Variants in ZNF410 observed in about 807,000 individuals in gnomAD.
ZNF410 encodes zinc finger protein 410, also known as another partner for ARF 1.
Under a neutral mutation model 54.8 loss-of-function variants are expected in ZNF410, and 18 were observed. That is an observed-to-expected ratio of 0.33 (90% CI 0.23 to 0.49). The LOEUF is 0.49. ZNF410 is among the 20% of genes least tolerant of loss of function. The probability of loss-of-function intolerance (pLI) is 0.99; values close to 1 mark genes in which losing one functional copy is unlikely to be tolerated. For missense variants in ZNF410, 405 were observed against 569.6 expected (o/e 0.71, Z 2.94); for synonymous variants, 191 against 207.3 (o/e 0.92, Z 0.68).
At position 73,896,088 on chromosome 14, in the gene ZNF410, A is replaced by G. The variant is rs1214775991; in HGVS notation, c.170-228A>G. On this transcript the variant is annotated intron_variant, in intron 3 of 11. Transcript: ENST00000555044. The stretch of plus-strand genomic sequence containing the variant: ...AATGGTTGGTTATTCACCAACCATT[A>G]CTGCCAAGTGACAGAGAATTCTGTT... The G allele has an allele frequency of 5.7e-6, 3 of 529,972 alleles. No individual in the cohort carries two copies. In the African/African-American group the frequency reaches 5.7e-5, roughly 10 times the overall value. 32.8% of individuals were successfully genotyped at this position (529,972 alleles called of 1,614,324 possible). A position where few individuals can be genotyped will look rare whatever the true frequency, so the allele number is the denominator to read the frequency against.
At chr14:73,927,398 C>T (rs2055849734) in intron 11 of ZNF410, among the ~76,000 whole-genome samples, 1 of 152,158 alleles carries the variant, frequency 6.6e-6, no homozygotes, top group African/African-American at 2.4e-5. Context: ...TTCTTTTATA[C>T]AAGAAATACT....
chr14:73,922,866 T>C (rs140575949), intron 10 of ZNF410: 1 of 152,444 alleles, frequency 6.6e-6, no homozygotes, highest in East Asian at 1.9e-4. Context: ...CATTAAATTA[T>C]ATGGTACAGC....
chr14:73,922,892 A>C (rs1165708603), intron 10 of ZNF410: 3 of 152,370 alleles, frequency 2.0e-5, no homozygotes, highest in Non-Finnish European at 2.9e-5. Flanking sequence ...ATAGTTGTAT[A>C]ATCTAGAAAA....
chr14:73,907,252 A>G (rs1482352880), intron 7 of ZNF410, among the ~76,000 whole-genome samples: 1 of 152,196 alleles, frequency 6.6e-6, no homozygotes, highest in Non-Finnish European at 1.5e-5. Context: ...AACTCAGTTT[A>G]TCTCAAATGT....
At chr14:73,905,944 T>TATACAC (rs1390428675) in intron 7 of ZNF410, among the ~76,000 whole-genome samples, 4 of 76,472 alleles carry the variant, frequency 5.2e-5, no homozygotes, top group Non-Finnish European at 7.4e-5. Context: ...TACATATATA[T>TATACAC]ACACACACAC....
intron 2 of ZNF410, 148 bp downstream of exon 2, chr14:73,892,356 A>G (rs936714318): frequency 7.7e-6 from 5 of 647,248 alleles, no homozygotes; most frequent in Non-Finnish European, 1.2e-5. Context: ...GATTGTTACT[A>G]TTTTTTCAAA....
At chr14:73,904,680 A>G (rs1033201710) in intron 6 of ZNF410, among the ~76,000 whole-genome samples, 3 of 152,146 alleles carry the variant, frequency 2.0e-5, no homozygotes, top group African/African-American at 7.2e-5. Flanking sequence ...GCTGATCTCA[A>G]ACTCCTGGGC....
chr14:73,901,770 A>G (rs557108849), intron 5 of ZNF410, among the ~76,000 whole-genome samples: 3 of 151,410 alleles, frequency 2.0e-5, no homozygotes, highest in East Asian at 2.0e-4. Flanking sequence ...ACAAAAAAAA[A>G]ATAGAAAAAA....
At chr14:73,920,760 G>A in intron 8 of ZNF410, 1 of 526,690 alleles carries the variant, frequency 1.9e-6, no homozygotes, top group Non-Finnish European at 3.4e-6. Flanking sequence ...GTCTGGAAAG[G>A]ACCAGCAGCT....
At position 73,923,482 on chromosome 14, in the gene ZNF410, CAT is replaced by C. The variant is rs1276252068; in HGVS notation, c.1361_1362del (p.Tyr454Ter). ...GTGACCATGCAGTCAGGGAGGCAAT[CAT>C]ATGAAGTTTCTGTCTTAACTGCAGT... is the stretch of plus-strand genomic sequence containing the variant. On this transcript the variant is annotated frameshift_variant, in exon 11 of 12. Coordinates refer to ENST00000555044, the MANE Select transcript of ZNF410 (RefSeq NM_021188.3). LOFTEE classifies it high-confidence loss of function. 2 of 1,613,880 alleles carry C rather than the reference CAT, an allele frequency of 1.2e-6. No individual in the cohort carries two copies. Among genetic ancestry groups the C allele is most frequent in the Non-Finnish European group, 1.7e-6 (2 of 1,179,900 alleles).
Position 73,896,341 on chromosome 14 carries a change from C to T in ZNF410, c.195C>T (p.Ser65=). 2 of 1,614,114 alleles carry T rather than the reference C, an allele frequency of 1.2e-6. No homozygotes were observed. Among genetic ancestry groups the T allele is most frequent in the East Asian group, 4.5e-5 (2 of 44,870 alleles). ...LPDDTTNHSN[S]SKEVPSSAVL... ...ATGATACTACAAATCATTCTAACTC[C>T]TCCAAGGAGGTCCCTTCCTCAGCTG... The change falls in exon 4 of 12, where the codon TCC becomes TCT. Residue 65 remains serine (S), a synonymous_variant. Coordinates refer to ENST00000555044, the MANE Select transcript of ZNF410 (RefSeq NM_021188.3).
At chr14:73,887,452 AGT>A (rs1423659466) in intron 1 of ZNF410, 2 of 152,058 alleles carry the variant, frequency 1.3e-5, no homozygotes, top group East Asian at 1.9e-4. Flanking sequence ...GGGGGGCAGG[AGT>A]GTGTGGATTG....
At chr14:73,890,330 A>G (rs2055209734) in intron 1 of ZNF410, among the ~76,000 whole-genome samples, 1 of 151,892 alleles carries the variant, frequency 6.6e-6, no homozygotes, top group Non-Finnish European at 1.5e-5. Context: ...CTGGGATTAC[A>G]GGCACCCGCC....
chr14:73,891,574 G>A (rs2055230780), intron 1 of ZNF410, among the ~76,000 whole-genome samples: 1 of 152,018 alleles, frequency 6.6e-6, no homozygotes, highest in Admixed American at 6.6e-5. Context: ...GGCTGGTCTC[G>A]AACTATTGAC....
intron 1 of ZNF410, among the ~76,000 whole-genome samples, chr14:73,890,191 A>C (rs1036130540): frequency 7.1e-6 from 1 of 140,226 alleles, no homozygotes; most frequent in Non-Finnish European, 1.6e-5. Flanking sequence ...TTATTCAGTT[A>C]CTTTTTTTTT....
chr14:73,928,545 T>C (rs1222015554), intron 11 of ZNF410, among the ~76,000 whole-genome samples: 1 of 152,180 alleles, frequency 6.6e-6, no homozygotes, highest in African/African-American at 2.4e-5. Context: ...GTACATTTGT[T>C]CCCTAGAACC....
At chr14:73,912,145 G>A (rs572368211) in intron 8 of ZNF410, among the ~76,000 whole-genome samples, 2 of 150,588 alleles carry the variant, frequency 1.3e-5, no homozygotes, top group South Asian at 4.2e-4. Flanking sequence ...TGTATTATAA[G>A]GTTCCCTATG....
chr14:73,929,334 C>T (rs903769870), intron 11 of ZNF410, among the ~76,000 whole-genome samples: 9 of 152,120 alleles, frequency 5.9e-5, no homozygotes, highest in Non-Finnish European at 7.3e-5. Flanking sequence ...TAGGTAATAA[C>T]TTGCTATTTC....
intron 8 of ZNF410, among the ~76,000 whole-genome samples, chr14:73,912,800 A>G (rs1451301451): frequency 6.6e-6 from 1 of 151,298 alleles, no homozygotes; most frequent in East Asian, 1.9e-4. Flanking sequence ...CATTGGTAGT[A>G]TATAGAAATA....
Sources: allele counts gnomAD v4.1 joint callset (sites outside exome capture counted in the v4.1 genomes callset), GRCh38; gene constraint gnomAD v4.1.1; transcripts MANE v1.5; gene names NCBI Gene and HGNC (gene_info 2026-07-23, HGNC 2026-07-21).